Variants in CUX1 observed in about 807,000 individuals in gnomAD.
The protein encoded by CUX1 is cut like homeobox 1.
Under a neutral mutation model 158.8 loss-of-function variants are expected in CUX1, and 31 were observed. That is an observed-to-expected ratio of 0.20 (90% CI 0.15 to 0.26). CUX1 has a LOEUF of 0.26. Ranked by LOEUF, CUX1 falls within the 10% of genes least tolerant of loss-of-function variation. The pLI is 1.00. For missense variants in CUX1, 1,589 were observed against 2,014.6 expected, an observed-to-expected ratio of 0.79 and a Z score of 4.04; for synonymous variants, 879 against 862.1, an observed-to-expected ratio of 1.02 and a Z score of -0.34.
At chr7:102,098,169 C>T (rs1273268575) in intron 5 of CUX1, among the ~76,000 whole-genome samples, 1 of 151,640 alleles carries the variant, frequency 6.6e-6, no homozygotes, top group Non-Finnish European at 1.5e-5. Flanking sequence ...TCCCGTCTGA[C>T]AGCAGCAGCA....
At chr7:101,823,548 A>T (rs1011579223) in intron 1 of CUX1, among the ~76,000 whole-genome samples, 1 of 152,208 alleles carries the variant, frequency 6.6e-6, no homozygotes, top group Non-Finnish European at 1.5e-5. Context: ...TGATTGATGC[A>T]GTTAACAAAG....
At chr7:101,948,988 T>G (rs889674542) in intron 2 of CUX1, among the ~76,000 whole-genome samples, 1 of 152,154 alleles carries the variant, frequency 6.6e-6, no homozygotes, top group South Asian at 2.1e-4. Context: ...TCTAGAAATG[T>G]TCATAGCAAT....
At chr7:102,208,813 G>A (rs1428882273) in intron 20 of CUX1, among the ~76,000 whole-genome samples, 19 of 152,184 alleles carry the variant, frequency 1.2e-4, no homozygotes, top group East Asian at 3.8e-4. Context: ...CAAGTAGCTC[G>A]CCGTGGTAGA....
chr7:101,903,424 G>A (rs937022216), intron 1 of CUX1, among the ~76,000 whole-genome samples: 112 of 152,306 alleles, frequency 7.4e-4, no homozygotes, highest in African/African-American at 2.4e-3. Flanking sequence ...TTGTAGTGGG[G>A]AGCACTGCGT....
At chr7:102,228,009 G>A (rs907544636) in intron 21 of CUX1, among the ~76,000 whole-genome samples, 40 of 138,828 alleles carry the variant, frequency 2.9e-4, no homozygotes, top group Admixed American at 7.8e-5. Flanking sequence ...GGAGTGCAGT[G>A]GCACAATCTC....
At chr7:101,858,545 G>A (rs1188810785) in intron 1 of CUX1, among the ~76,000 whole-genome samples, 2 of 151,996 alleles carry the variant, frequency 1.3e-5, no homozygotes, top group Non-Finnish European at 2.9e-5. Flanking sequence ...TGAAAACAAT[G>A]ACTTTGTTCT....
chr7:102,253,936 CACTA>C lies in CUX1; in HGVS notation c.*4897_*4900del, dbSNP rs1473996144. 30 of 985,474 alleles carry C rather than the reference CACTA, an allele frequency of 3.0e-5. No homozygotes were observed. Among genetic ancestry groups the C allele is most frequent in the Middle Eastern group, 5.2e-4 (1 of 1,938 alleles). 61.0% of individuals were successfully genotyped at this position (985,474 alleles called of 1,614,324 possible). A position where few individuals can be genotyped will look rare whatever the true frequency, so the allele number is the denominator to read the frequency against. ...ACACTCCTCATTGTCCCTTCTACCT[CACTA>C]ACCTGTCTTCTCCATCTGATGTCAC... is the stretch of plus-strand genomic sequence containing the variant. On this transcript the variant is annotated 3_prime_UTR_variant, in exon 24 of 24. Coordinates refer to ENST00000292535, the MANE Select transcript of CUX1 (RefSeq NM_181552.4).
At chr7:102,127,942 G>C (rs1219712101) in intron 8 of CUX1, among the ~76,000 whole-genome samples, 1 of 152,208 alleles carries the variant, frequency 6.6e-6, no homozygotes, top group Non-Finnish European at 1.5e-5. Flanking sequence ...CCACCTCCCA[G>C]ATTTAAGCGA....
At chr7:101,860,735 CCCTTCCTTCCTTCCTT>C (rs1300604785) in intron 1 of CUX1, among the ~76,000 whole-genome samples, 142 of 90,512 alleles carry the variant, frequency 1.6e-3, no homozygotes, top group African/African-American at 3.9e-3. Context: ...TCCCCTTCCT[CCCTTCCTTCCTTCCTT>C]CCTTCCTTCC....
intron 8 of CUX1, among the ~76,000 whole-genome samples, chr7:102,145,653 AGACAATGG>A (rs2131438073): frequency 6.6e-6 from 1 of 152,254 alleles, no homozygotes; most frequent in Non-Finnish European, 1.5e-5. Flanking sequence ...AACAACTAAA[AGACAATGG>A]GAGGGCCGGG....
In CUX1 at chr7:101,889,293, G is replaced by A. The variant is rs575614676; in HGVS notation, c.31-26822G>A. ...AAAAAAAAAAGTGCTGAGAGAGATC[G>A]TTTCCCGAGGGTCTTTGGATAGTTT... On this transcript the variant is annotated intron_variant, in intron 1 of 23. Transcript: ENST00000292535. 2.2e-4 allele frequency among the ~76,000 whole-genome samples: 31 copies of A among 143,354 alleles called. No homozygotes were observed. The South Asian group carries it at 4.6e-3, about 21-fold the overall frequency. 94.0% of individuals were successfully genotyped at this position (143,354 alleles called of 152,430 possible).
In CUX1 at chr7:102,104,967, C is replaced by G. The variant is rs541174061; in HGVS notation, c.530+508C>G. 7.9e-5 allele frequency among the ~76,000 whole-genome samples: 12 copies of G among 152,246 alleles called. No homozygotes were observed. The South Asian group carries it at 2.5e-3, about 32-fold the overall frequency. On this transcript the variant is annotated intron_variant, in intron 6 of 23. Transcript: ENST00000292535. ...GTCTTTCCCAATCGGTGGATGGTGTCAGGCAGCCAGTGGGCCCAAGACTAT... is the reference window on the plus strand; with the variant it reads ...GTCTTTCCCAATCGGTGGATGGTGTGAGGCAGCCAGTGGGCCCAAGACTAT...
chr7:102,106,121 T>G (rs1830328738), intron 6 of CUX1, among the ~76,000 whole-genome samples: 1 of 130,014 alleles, frequency 7.7e-6, no homozygotes, highest in Non-Finnish European at 1.6e-5. Context: ...GGAGTCTCAC[T>G]CTGTCACCCA....
intron 3 of CUX1, among the ~76,000 whole-genome samples, chr7:102,060,824 G>C (rs1464265148): frequency 5.9e-5 from 9 of 151,344 alleles, no homozygotes; most frequent in Non-Finnish European, 1.3e-4. Flanking sequence ...ATGTTGGCCA[G>C]GCTGGTCTTG....
chr7:102,170,532 C>T lies in CUX1; in HGVS notation c.810C>T (p.Ile270=). ...ACTCCCTCCAGCTGGCCTCACAGAT[C>T]CAGAAGGCACCAGACGTGGTGGGTA... is the stretch of plus-strand genomic sequence containing the variant. ...ANHSLQLASQ[I]QKAPDVEQAI... is the part of the protein sequence containing the mutation. Residue 270 remains isoleucine, a synonymous_variant, in exon 10 of 24, where the codon ATC becomes ATT. Transcript: ENST00000292535. 6.3e-7 allele frequency: 1 copy of T among 1,581,994 alleles called. No individual in the cohort carries two copies. Among genetic ancestry groups the T allele is most frequent in the Non-Finnish European group, 8.6e-7 (1 of 1,163,556 alleles).
chr7:102,184,909 G>A (rs1793477672), intron 11 of CUX1, among the ~76,000 whole-genome samples: 1 of 152,080 alleles, frequency 6.6e-6, no homozygotes, highest in African/African-American at 2.4e-5. Context: ...GCCTCCCAAA[G>A]TGCTGGGATT....
At chr7:102,019,903 G>A (rs904535798) in intron 2 of CUX1, among the ~76,000 whole-genome samples, 2 of 152,138 alleles carry the variant, frequency 1.3e-5, no homozygotes, top group South Asian at 2.1e-4. Context: ...GCAGCGTGGC[G>A]GGTTATATAT....
rs559929936 is a variant in CUX1, at chr7:101,878,198, C to A, written c.31-37917C>A. Among the ~76,000 whole-genome samples, 5 of 152,322 alleles carry A rather than the reference C, an allele frequency of 3.3e-5. No homozygotes were observed. In the East Asian group the frequency reaches 9.6e-4, roughly 29 times the overall value. ...CTGGTTTTGTAGGTGTGGAAGTGCACATTGCAGTAAGGAGTCAATGAAATC... is the reference window on the plus strand; with the variant it reads ...CTGGTTTTGTAGGTGTGGAAGTGCAAATTGCAGTAAGGAGTCAATGAAATC... On this transcript the variant is annotated intron_variant, in intron 1 of 23. Coordinates refer to ENST00000292535, the MANE Select transcript of CUX1 (RefSeq NM_181552.4).
intron 4 of CUX1, among the ~76,000 whole-genome samples, chr7:102,080,509 G>C (rs1207766449): frequency 6.6e-6 from 1 of 151,620 alleles, no homozygotes; most frequent in Non-Finnish European, 1.5e-5. Flanking sequence ...TGCTCACAAG[G>C]GGGACATTCA....
Sources: gnomAD v4.1 joint callset for allele counts (sites outside exome capture counted in the v4.1 genomes callset) on GRCh38, gnomAD v4.1.1 for gene constraint, MANE v1.5 for transcripts, NCBI Gene and HGNC (gene_info 2026-07-23, HGNC 2026-07-21) for gene names.